The following PCDHGA6 variants were observed in gnomAD, a reference collection of about 807,000 sequenced individuals.
The protein encoded by PCDHGA6 is protocadherin gamma subfamily A, 6.
Under a neutral mutation model 60.6 loss-of-function variants are expected in PCDHGA6, and 41 were observed. The ratio of observed to expected loss-of-function variants is 0.68; its 90% CI spans 0.53 to 0.88. The LOEUF (loss-of-function observed/expected upper bound fraction) is 0.88, where lower values mean the gene tolerates loss of function less well. PCDHGA6 is among the 40% of genes least tolerant of loss of function. The pLI is 0.00. For synonymous variants in PCDHGA6, 594 were observed against 524.4 expected, an observed-to-expected ratio of 1.13 and a Z score of -1.81; for missense variants, 1,312 against 1,203.0, an observed-to-expected ratio of 1.09 and a Z score of -1.34.
intron 1 of PCDHGA6, chr5:141,430,741 A>T (rs370226249): frequency 6.7e-6 from 10 of 1,498,900 alleles, no homozygotes; most frequent in Non-Finnish European, 8.9e-6. Flanking sequence ...ATTGAAAATA[A>T]TTCTGGAGGA....
At chr5:141,458,345 G>A (rs1161535708) in intron 1 of PCDHGA6, among the ~76,000 whole-genome samples, 2 of 152,112 alleles carry the variant, frequency 1.3e-5, no homozygotes, top group Non-Finnish European at 2.9e-5. Context: ...GGAGTGGAGA[G>A]TTTAATAAGC....
At chr5:141,428,002 T>G in intron 1 of PCDHGA6, 1 of 1,601,328 alleles carries the variant, frequency 6.2e-7, no homozygotes, top group Non-Finnish European at 8.5e-7. Context: ...TCCGCACTCT[T>G]CGATATAGTG....
chr5:141,410,462 CTG>C (rs1258642453), intron 1 of PCDHGA6: 1 of 1,613,924 alleles, frequency 6.2e-7, no homozygotes, highest in East Asian at 2.2e-5. Context: ...TTCTTATAAT[CTG>C]TGCATTGCAC....
rs777710801 is a variant in PCDHGA6, at chr5:141,400,340, A to G, written c.2424+23833A>G. On this transcript the variant is annotated intron_variant, in intron 1 of 3. Transcript: ENST00000517434. ...AAGTCTGGACCTGTGGTTCCCCCCA[A>G]CTACAGTCAGGGGACTTTGCCTTAT... The G allele has an allele frequency of 5.0e-6, 8 of 1,613,856 alleles. No homozygotes were observed. The highest frequency in any genetic ancestry group is 1.3e-5 in the African/African-American group (1 of 74,922).
chr5:141,401,235 A>G (rs1444346000), intron 1 of PCDHGA6, among the ~76,000 whole-genome samples: 1 of 152,120 alleles, frequency 6.6e-6, no homozygotes, highest in East Asian at 1.9e-4. Context: ...CCAGCTACTC[A>G]GGAGGCTAAG....
intron 1 of PCDHGA6, among the ~76,000 whole-genome samples, chr5:141,457,289 G>A (rs907200077): frequency 2.0e-5 from 3 of 152,146 alleles, no homozygotes; most frequent in Non-Finnish European, 4.4e-5. Context: ...GAAGTTCCTT[G>A]GTTTTATTTT....
At chr5:141,463,296 C>T (rs1194250577) in intron 1 of PCDHGA6, among the ~76,000 whole-genome samples, 1 of 151,986 alleles carries the variant, frequency 6.6e-6, no homozygotes, top group African/African-American at 2.4e-5. Flanking sequence ...CTCCTAATCT[C>T]CCCAAACTCT....
At chr5:141,501,326 CACACACA>C (rs1562200783) in intron 2 of PCDHGA6, among the ~76,000 whole-genome samples, 10 of 151,784 alleles carry the variant, frequency 6.6e-5, no homozygotes, top group African/African-American at 1.9e-4. Flanking sequence ...CACACACACA[CACACACA>C]CCCCAAACTC....
chr5:141,374,770 G>A lies in PCDHGA6; in HGVS notation c.687G>A (p.Leu229=), dbSNP rs750704696. The part of the protein sequence containing the change: ...DPVRSSVAQI[L]VTVLDVNDNT... ...TCCGCTCAAGCGTCGCCCAAATTCT[G>A]GTAACAGTTCTAGATGTGAATGACA... The change falls in exon 1 of 4, where the codon CTG becomes CTA. Residue 229 remains leucine (L), a synonymous_variant. Transcript: ENST00000517434. 6.8e-6 allele frequency: 11 copies of A among 1,613,696 alleles called. No individual in the cohort carries two copies. The highest frequency in any genetic ancestry group is 1.1e-5 in the South Asian group (1 of 91,018).
rs775122106 is a variant in PCDHGA6 at position 141,410,519 on chromosome 5, C to CT, written c.2424+34013dup. On this transcript the variant is annotated intron_variant, in intron 1 of 3. Coordinates refer to ENST00000517434, the MANE Select transcript of PCDHGA6 (RefSeq NM_018919.3). ...TAATTTCCTAAAATGCAGTGTGCCCCTACATTCCAATGAAGACATGGTTTG... is the reference window on the plus strand; with the variant it reads ...TAATTTCCTAAAATGCAGTGTGCCCCTTACATTCCAATGAAGACATGGTTTG... 5.9e-5 allele frequency: 95 copies of CT among 1,613,978 alleles called. 1 individual carries two copies. In the South Asian group the frequency reaches 1.0e-3, roughly 17 times the overall value.
At position 141,490,219 on chromosome 5, in the gene PCDHGA6, C is replaced by T. The variant is rs771985398; in HGVS notation, c.2425-4588C>T. 2.5e-5 allele frequency: 41 copies of T among 1,614,094 alleles called. No individual in the cohort carries two copies. The highest frequency in any genetic ancestry group is 3.3e-5 in the Non-Finnish European group (39 of 1,180,038). On this transcript the variant is annotated intron_variant, in intron 1 of 3. Coordinates refer to ENST00000517434, the MANE Select transcript of PCDHGA6 (RefSeq NM_018919.3). This position sits in a 1 kb window ranked among gnomAD's most constrained non-coding sequence, Gnocchi z 5.4. ...TCATGCAAGAGCCCGTGACCAGGGA[C>T]AGCCTGCCATGGAGGGCCACTGTGT... is the stretch of plus-strand genomic sequence containing the variant.
Position 141,489,880 on chromosome 5 carries a change from G to A in PCDHGA6, c.2425-4927G>A. On this transcript the variant is annotated intron_variant, in intron 1 of 3. Transcript: ENST00000517434. The surrounding 1 kb of genome is among the most constrained non-coding windows in gnomAD (Gnocchi z 4.5). Reference sequence around the variant, plus strand: ...GGCAAGACATCAGCTGGTGCTTACTGCTGTGGATGGGGGGACCCCAGCCCG... The same window carrying A: ...GGCAAGACATCAGCTGGTGCTTACTACTGTGGATGGGGGGACCCCAGCCCG... 2 of 1,614,230 alleles carry A rather than the reference G, an allele frequency of 1.2e-6. No individual in the cohort carries two copies. The highest frequency in any genetic ancestry group is 1.7e-6 in the Non-Finnish European group (2 of 1,180,026).
intron 1 of PCDHGA6, chr5:141,427,815 G>A: frequency 6.5e-7 from 1 of 1,527,760 alleles, no homozygotes; most frequent in Non-Finnish European, 9.0e-7. Context: ...ACAGAGCGGG[G>A]TGGTGGTCGC....
intron 1 of PCDHGA6, chr5:141,408,475 CCGT>C: frequency 6.2e-7 from 1 of 1,614,032 alleles, no homozygotes; most frequent in Non-Finnish European, 8.5e-7. Context: ...ACCGAATAGA[CCGT>C]GAGCAAATAT....
chr5:141,403,925 G>A, intron 1 of PCDHGA6: 1 of 1,613,868 alleles, frequency 6.2e-7, no homozygotes, highest in South Asian at 1.1e-5. Flanking sequence ...TGAAGATGGT[G>A]GGGGATTGAA....
chr5:141,479,801 G>A (rs2099507037), intron 1 of PCDHGA6, among the ~76,000 whole-genome samples: 1 of 152,118 alleles, frequency 6.6e-6, no homozygotes, highest in Non-Finnish European at 1.5e-5. Flanking sequence ...AATTCAGGGT[G>A]GTATGCAAGG....
In PCDHGA6 at chr5:141,384,438, C is replaced by G. The variant is rs758290868; in HGVS notation, c.2424+7931C>G. The G allele has an allele frequency of 4.6e-5, 74 of 1,613,902 alleles. No homozygotes were observed. In the South Asian group the frequency reaches 7.5e-4, roughly 16 times the overall value. Reference sequence around the variant, plus strand: ...TCTCCATAAACTCTGACACTGGAGTCCTGTACGCGCTGCAATCCTTTGATT... The same window carrying G: ...TCTCCATAAACTCTGACACTGGAGTGCTGTACGCGCTGCAATCCTTTGATT... On this transcript the variant is annotated intron_variant, in intron 1 of 3. Coordinates refer to ENST00000517434, the MANE Select transcript of PCDHGA6 (RefSeq NM_018919.3).
rs763239421 is a variant in PCDHGA6, at chr5:141,477,265, G to C, written c.2425-17542G>C. 1 of 1,614,198 alleles carries C rather than the reference G, an allele frequency of 6.2e-7. No homozygotes were observed. Among genetic ancestry groups the C allele is most frequent in the Admixed American group, 1.7e-5 (1 of 60,020 alleles). On this transcript the variant is annotated intron_variant, in intron 1 of 3. Coordinates refer to ENST00000517434, the MANE Select transcript of PCDHGA6 (RefSeq NM_018919.3). The surrounding 1 kb of genome is among the most constrained non-coding windows in gnomAD (Gnocchi z 4.9). ...GTGTGACTGACCTGGATGCTGGCGA[G>C]AACGGGCTGGTGACCTGCGAAGTTC...
Position 141,375,095 on chromosome 5 carries a change from T to C in PCDHGA6, c.1012T>C (p.Leu338=), listed in dbSNP as rs370381070. 3.0e-4 allele frequency: 491 copies of C among 1,613,960 alleles called. 2 individuals are homozygous for C. In the African/African-American group the frequency reaches 5.9e-3, roughly 19 times the overall value. ...CAGAGCGAAAGTCTTAATAACTATCTTGGATGTCAATGATAATGTACCAGA... is the reference window on the plus strand; with the variant it reads ...CAGAGCGAAAGTCTTAATAACTATCCTGGATGTCAATGATAATGTACCAGA... The part of the protein sequence containing the change: ...RDRAKVLITI[L]DVNDNVPEVV... Residue 338 remains leucine (L), a synonymous_variant, in exon 1 of 4, where the codon TTG becomes CTG. Coordinates refer to ENST00000517434, the MANE Select transcript of PCDHGA6 (RefSeq NM_018919.3).
Sources: gnomAD v4.1 joint callset for allele counts (sites outside exome capture counted in the v4.1 genomes callset) on GRCh38, gnomAD v4.1.1 for gene constraint, Gnocchi (gnomAD v3.1) non-coding constraint, MANE v1.5 for transcripts, NCBI Gene and HGNC (gene_info 2026-07-23, HGNC 2026-07-21) for gene names.